The following AQR variants were observed in gnomAD, a reference collection of about 807,000 sequenced individuals.
AQR encodes RNA helicase aquarius.
In AQR, 61 loss-of-function variants were observed where a neutral mutation model predicts 180.5. The ratio of observed to expected loss-of-function variants is 0.34; its 90% CI spans 0.28 to 0.42. The LOEUF is 0.42. AQR is among the 10% of genes least tolerant of loss of function. AQR has a pLI of 1.00. For synonymous variants in AQR, 551 were observed against 588.8 expected, an observed-to-expected ratio of 0.94 and a Z score of 0.93; for missense variants, 1,281 against 1,798.3, an observed-to-expected ratio of 0.71 and a Z score of 5.20.
intron 4 of AQR, among the ~76,000 whole-genome samples, chr15:34,951,354 C>A (rs1271554655): frequency 1.3e-5 from 2 of 152,130 alleles, no homozygotes; most frequent in Non-Finnish European, 2.9e-5. Context: ...TGAAAGGTAA[C>A]AACTGACTTT....
intron 24 of AQR, among the ~76,000 whole-genome samples, chr15:34,889,125 T>C (rs867689343): frequency 2.6e-5 from 4 of 152,328 alleles, no homozygotes; most frequent in Admixed American, 6.5e-5. Flanking sequence ...TTCTGAATTA[T>C]TAGATTTTAG....
chr15:34,948,076 A>T, intron 5 of AQR, 188 bp downstream of exon 5: 1 of 540,304 alleles, frequency 1.9e-6, no homozygotes, highest in Non-Finnish European at 3.0e-6. Context: ...AAATTATTAA[A>T]TCGTTTGAAG....
At chr15:34,891,547 T>G (rs1188980746) in intron 23 of AQR, among the ~76,000 whole-genome samples, 1 of 152,192 alleles carries the variant, frequency 6.6e-6, no homozygotes, top group African/African-American at 2.4e-5. Context: ...AAGCAGTGAA[T>G]TATGTGTCTA....
chr15:34,960,167 C>T (rs927373849), intron 3 of AQR, among the ~76,000 whole-genome samples: 4 of 152,056 alleles, frequency 2.6e-5, no homozygotes, highest in Non-Finnish European at 1.5e-5. Flanking sequence ...CAAAAAGATG[C>T]CTAAGACACG....
intron 24 of AQR, among the ~76,000 whole-genome samples, chr15:34,887,801 C>CA (rs559677944): frequency 1.6e-3 from 237 of 152,062 alleles, no homozygotes; most frequent in African/African-American, 5.6e-3. Context: ...TGATTAAGAA[C>CA]AAAAAAGAGA....
At chr15:34,874,097 A>C in intron 29 of AQR, 98 bp from the exon 30 acceptor site, 1 of 1,236,784 alleles carries the variant, frequency 8.1e-7, no homozygotes. Flanking sequence ...GCTTCTTTTA[A>C]ATTTTCATGT....
At chr15:34,866,947 G>C (rs1892744743) in intron 32 of AQR, among the ~76,000 whole-genome samples, 2 of 151,912 alleles carry the variant, frequency 1.3e-5, no homozygotes, top group Non-Finnish European at 2.9e-5. Context: ...ACTCTCCTTA[G>C]TTTTGTTAGT....
Position 34,941,172 on chromosome 15 carries a change from A to C in AQR, c.541-173T>G, listed in dbSNP as rs563427932. On this transcript the variant is annotated intron_variant, in intron 7 of 34. Coordinates refer to ENST00000156471, the MANE Select transcript of AQR (RefSeq NM_014691.3). ...ATTAAGAAATGAATAACGATATTTTAAAAAATTATTCAACTCTAGCTCTTG... is the reference window on the plus strand; with the variant it reads ...ATTAAGAAATGAATAACGATATTTTCAAAAATTATTCAACTCTAGCTCTTG... Among the ~76,000 whole-genome samples the C allele has an allele frequency of 2.0e-5, 3 of 152,350 alleles. No individual in the cohort carries two copies. In the East Asian group the frequency reaches 5.8e-4, roughly 29 times the overall value.
intron 17 of AQR, among the ~76,000 whole-genome samples, chr15:34,907,427 T>C (rs1893435311): frequency 6.6e-6 from 1 of 152,216 alleles, no homozygotes; most frequent in Non-Finnish European, 1.5e-5. Context: ...CAGCATGTAA[T>C]GCTACACCAC....
chr15:34,907,275 A>G (rs1030265355), intron 17 of AQR, among the ~76,000 whole-genome samples: 6 of 152,266 alleles, frequency 3.9e-5, no homozygotes, highest in Non-Finnish European at 7.3e-5. Context: ...GAACATTTTT[A>G]TAAGTGAATG....
chr15:34,960,378 C>T (rs1488506650), intron 3 of AQR, among the ~76,000 whole-genome samples: 2 of 152,100 alleles, frequency 1.3e-5, no homozygotes, highest in Non-Finnish European at 2.9e-5. Context: ...ATTTTTATCA[C>T]TTCTGTGTTT....
At chr15:34,861,495 T>C (rs1465299854) in intron 33 of AQR, among the ~76,000 whole-genome samples, 5 of 152,198 alleles carry the variant, frequency 3.3e-5, no homozygotes, top group African/African-American at 1.2e-4. Flanking sequence ...ATCTAAAGCA[T>C]GGGTTTCCAA....
intron 18 of AQR, among the ~76,000 whole-genome samples, chr15:34,906,052 A>C (rs1250872763): frequency 3.3e-5 from 5 of 151,890 alleles, no homozygotes; most frequent in Non-Finnish European, 7.4e-5. Flanking sequence ...AAAAAGAAAA[A>C]GATCCTGTCC....
Position 34,856,807 on chromosome 15 carries a change from C to T in AQR, c.4443G>A (p.Pro1481=), listed in dbSNP as rs8035240. The part of the protein sequence containing the change: ...ANTPQDATSA[P]EETK ...TACAGTTTGGCTACTTGGTCTCTTC[C>T]GGGGCAGATGTGGCATCCTGAGGTG... Residue 1481 remains proline, a synonymous_variant, in exon 35 of 35, where the codon CCG becomes CCA. Transcript: ENST00000156471. 1,560,513 of 1,567,264 alleles carry T rather than the reference C, an allele frequency of 1. 777,185 individuals are homozygous for T. Among genetic ancestry groups the T allele is most frequent in the East Asian group, 1 (44,556 of 44,556 alleles).
intron 5 of AQR, among the ~76,000 whole-genome samples, chr15:34,946,528 GT>G (rs1378759623): frequency 1.4e-5 from 2 of 145,632 alleles, no homozygotes; most frequent in Non-Finnish European, 3.0e-5. Context: ...CGGGAGGGAG[GT>G]GAGGGGGTCA....
chr15:34,920,294 A>T, intron 14 of AQR, 38 bp downstream of exon 14: 8 of 1,489,372 alleles, frequency 5.4e-6, no homozygotes, highest in Non-Finnish European at 7.4e-6. Flanking sequence ...AAAGGCAAGG[A>T]AAACCACATG....
chr15:34,869,654 T>G (rs1892786460), intron 31 of AQR: 1 of 152,164 alleles, frequency 6.6e-6, no homozygotes, highest in African/African-American at 2.4e-5. Context: ...ACTTGCAAAA[T>G]TATTAGTTTC....
intron 5 of AQR, among the ~76,000 whole-genome samples, chr15:34,947,519 T>A (rs71401658): frequency 0.64 from 86,768 of 136,250 alleles, 28,927 homozygotes; most frequent in Middle Eastern, 0.76. Context: ...AAAAAAATAA[T>A]AATAATAATA....
chr15:34,964,369 G>C (rs762629767), intron 1 of AQR, 79 bp from the exon 2 acceptor site: 1 of 1,231,780 alleles, frequency 8.1e-7, no homozygotes, highest in Middle Eastern at 1.9e-4. Context: ...TTAGTGATAA[G>C]CGGTTTCTTA....
Sources: allele counts gnomAD v4.1 joint callset (sites outside exome capture counted in the v4.1 genomes callset), GRCh38; gene constraint gnomAD v4.1.1; transcripts MANE v1.5; gene names NCBI Gene and HGNC (gene_info 2026-07-23, HGNC 2026-07-21).